The following ANO6 variants were observed in gnomAD, a reference collection of about 807,000 sequenced individuals.
The protein encoded by ANO6 is anoctamin-6.
In ANO6, 106 loss-of-function variants were observed where a neutral mutation model predicts 117.5. The observed-to-expected ratio is 0.90, with a 90% confidence interval of 0.77 to 1.06. The LOEUF is 1.06. Ranked by LOEUF, ANO6 falls within the 50% of genes least tolerant of loss-of-function variation. The pLI is 0.00. For missense variants in ANO6, 955 were observed against 1,121.1 expected, an observed-to-expected ratio of 0.85 and a Z score of 2.12; for synonymous variants, 367 against 385.1, an observed-to-expected ratio of 0.95 and a Z score of 0.55.
chr12:45,360,908 T>G (rs7975386), intron 8 of ANO6, among the ~76,000 whole-genome samples: 54,808 of 152,126 alleles, frequency 0.36, 12,717 homozygotes, highest in Non-Finnish European at 0.51. Flanking sequence ...AAGAGTTTGT[T>G]TATAGACTCA....
At chr12:45,238,740 T>C (rs1008147237) in intron 1 of ANO6, among the ~76,000 whole-genome samples, 3 of 152,230 alleles carry the variant, frequency 2.0e-5, no homozygotes, top group Non-Finnish European at 4.4e-5. Context: ...ATTGAGAGTT[T>C]TTAGCATGAA....
chr12:45,301,882 A>G, intron 1 of ANO6, 132 bp from the exon 2 acceptor site: 1 of 745,140 alleles, frequency 1.3e-6, no homozygotes, highest in Non-Finnish European at 2.3e-6. Flanking sequence ...GATAGCTGAA[A>G]GGGTTAAATA....
intron 2 of ANO6, among the ~76,000 whole-genome samples, chr12:45,311,594 G>A (rs1939853001): frequency 6.6e-6 from 1 of 152,052 alleles, no homozygotes; most frequent in Admixed American, 6.6e-5. Context: ...AGAGTAATTG[G>A]TGGATGGCAT....
At chr12:45,399,606 C>A (rs1020379318) in intron 12 of ANO6, among the ~76,000 whole-genome samples, 3 of 152,070 alleles carry the variant, frequency 2.0e-5, no homozygotes, top group Admixed American at 2.0e-4. Flanking sequence ...ATGTGTCAAT[C>A]CCTGGATCAG....
At chr12:45,223,990 C>T (rs1476215384) in intron 1 of ANO6, among the ~76,000 whole-genome samples, 2 of 152,110 alleles carry the variant, frequency 1.3e-5, no homozygotes, top group Admixed American at 6.5e-5. Context: ...CTTTGAGATA[C>T]CCCCAGTTAT....
At chr12:45,255,972 C>T (rs959129342) in intron 1 of ANO6, among the ~76,000 whole-genome samples, 1 of 152,004 alleles carries the variant, frequency 6.6e-6, no homozygotes, top group Non-Finnish European at 1.5e-5. Context: ...CAGGCATGCA[C>T]CACTACCCCC....
intron 19 of ANO6, among the ~76,000 whole-genome samples, chr12:45,427,975 A>T (rs776036874): frequency 6.6e-6 from 1 of 151,176 alleles, no homozygotes; most frequent in Middle Eastern, 3.4e-3. Context: ...TGATACGAAG[A>T]TGTAGAGCAA....
chr12:45,217,521 C>T (rs1172030745), intron 1 of ANO6, among the ~76,000 whole-genome samples: 1 of 152,204 alleles, frequency 6.6e-6, no homozygotes, highest in African/African-American at 2.4e-5. Flanking sequence ...GGAGATTACA[C>T]TCCATGATTT....
chr12:45,424,934 A>G (rs766827925), intron 19 of ANO6, among the ~76,000 whole-genome samples: 11 of 152,146 alleles, frequency 7.2e-5, no homozygotes, highest in Non-Finnish European at 1.5e-4. Flanking sequence ...ATGGTCAATA[A>G]CAAGAGGTGA....
intron 1 of ANO6, among the ~76,000 whole-genome samples, chr12:45,228,752 A>G (rs528444366): frequency 6.6e-6 from 1 of 152,244 alleles, no homozygotes; most frequent in Admixed American, 6.5e-5. Flanking sequence ...TCTTGACTTC[A>G]TGTTTAAAAC....
intron 1 of ANO6, among the ~76,000 whole-genome samples, chr12:45,284,795 G>A (rs528309952): frequency 6.6e-6 from 1 of 152,302 alleles, no homozygotes; most frequent in South Asian, 2.1e-4. Context: ...TCTGATGCCT[G>A]TATAAATTTG....
intron 19 of ANO6, among the ~76,000 whole-genome samples, 172 bp from the exon 20 acceptor site, chr12:45,428,933 C>G (rs562176594): frequency 1.3e-5 from 2 of 152,186 alleles, no homozygotes; most frequent in Non-Finnish European, 2.9e-5. Context: ...GTAACAGTAA[C>G]TGCTAGAGCC....
At chr12:45,268,975 T>C (rs1420925460) in intron 1 of ANO6, among the ~76,000 whole-genome samples, 1 of 152,260 alleles carries the variant, frequency 6.6e-6, no homozygotes, top group Non-Finnish European at 1.5e-5. Flanking sequence ...GCAGTCTTAC[T>C]GCTAATCAAG....
chr12:45,290,105 G>T (rs903609653), intron 1 of ANO6, among the ~76,000 whole-genome samples: 1 of 152,054 alleles, frequency 6.6e-6, no homozygotes, highest in African/African-American at 2.4e-5. Flanking sequence ...ATGTGTTTGG[G>T]TAAGGCATGC....
chr12:45,250,014 A>G (rs1258984948), intron 1 of ANO6, among the ~76,000 whole-genome samples: 1 of 152,220 alleles, frequency 6.6e-6, no homozygotes, highest in Non-Finnish European at 1.5e-5. Flanking sequence ...AACTGTTCAC[A>G]CAAAAGGCTA....
At position 45,358,428 on chromosome 12, in the gene ANO6, C is replaced by T. The variant is rs61700447; in HGVS notation, c.998+1004C>T. The stretch of plus-strand genomic sequence containing the variant: ...AAGGCTGAATGTTGTTACCTTTTCT[C>T]TAAATTTGTCTTCAGCTTCTCTGTT... On this transcript the variant is annotated intron_variant, in intron 8 of 19. Coordinates refer to ENST00000320560, the MANE Select transcript of ANO6 (RefSeq NM_001025356.3). Among the ~76,000 whole-genome samples, 1,139 of 152,088 alleles carry T rather than the reference C, an allele frequency of 7.5e-3. 10 individuals carry two copies. Among genetic ancestry groups the T allele is most frequent in the African/African-American group, 0.026 (1,082 of 41,464 alleles).
At chr12:45,420,514 A>T (rs1943330948) in intron 17 of ANO6, among the ~76,000 whole-genome samples, 1 of 152,104 alleles carries the variant, frequency 6.6e-6, no homozygotes, top group Admixed American at 6.6e-5. Context: ...GCTACTCAGG[A>T]GGATCACTTG....
At chr12:45,251,954 T>C (rs1937637588) in intron 1 of ANO6, among the ~76,000 whole-genome samples, 1 of 152,234 alleles carries the variant, frequency 6.6e-6, no homozygotes, top group African/African-American at 2.4e-5. Flanking sequence ...TTCTCCGATA[T>C]AGTATTTGCA....
intron 1 of ANO6, among the ~76,000 whole-genome samples, chr12:45,268,545 A>ATAAT (rs1938293064): frequency 6.6e-6 from 1 of 152,130 alleles, no homozygotes; most frequent in Non-Finnish European, 1.5e-5. Context: ...AAATAAATAA[A>ATAAT]ATACATACAT....
Sources: allele counts gnomAD v4.1 joint callset (sites outside exome capture counted in the v4.1 genomes callset), GRCh38; gene constraint gnomAD v4.1.1; transcripts MANE v1.5; gene names NCBI Gene and HGNC (gene_info 2026-07-23, HGNC 2026-07-21).